The following SCN7A variants were observed in gnomAD, a reference collection of about 807,000 sequenced individuals.
The protein encoded by SCN7A is sodium voltage-gated channel alpha subunit 7, also known as sodium channel protein type 7 subunit alpha.
SCN7A carries 138 observed loss-of-function variants against 155.2 expected under a neutral mutation model. The observed-to-expected ratio is 0.89, with a 90% CI of 0.77 to 1.02. The LOEUF (loss-of-function observed/expected upper bound fraction) is 1.02. SCN7A is among the 50% of genes least tolerant of loss of function. SCN7A has a pLI of 0.00. For synonymous variants in SCN7A, 693 were observed against 649.0 expected, an observed-to-expected ratio of 1.07 and a Z score of -1.03; for missense variants, 2,058 against 1,986.6, an observed-to-expected ratio of 1.04 and a Z score of -0.68.
intron 16 of SCN7A, among the ~76,000 whole-genome samples, chr2:166,431,669 C>G (rs1278462984): frequency 1.3e-5 from 2 of 152,050 alleles, no homozygotes; most frequent in Non-Finnish European, 2.9e-5. Flanking sequence ...ACAGCAGTAT[C>G]TACCCTTCTT....
intron 10 of SCN7A, among the ~76,000 whole-genome samples, chr2:166,459,284 C>T (rs930232729): frequency 6.6e-6 from 1 of 152,044 alleles, no homozygotes; most frequent in Non-Finnish European, 1.5e-5. Context: ...TAGCATAAAA[C>T]AGTACATAAT....
chr2:166,470,738 C>T, intron 6 of SCN7A, 32 bp from the exon 7 acceptor site: 1 of 1,552,650 alleles, frequency 6.4e-7, no homozygotes, highest in Non-Finnish European at 8.7e-7. Flanking sequence ...ACTTAAAAGT[C>T]ATATTACATC....
intron 9 of SCN7A, among the ~76,000 whole-genome samples, chr2:166,464,439 C>T (rs1375996117): frequency 6.6e-6 from 1 of 151,938 alleles, no homozygotes; most frequent in African/African-American, 2.4e-5. Context: ...GCCCTGTTTC[C>T]CCTTTATGAA....
rs1289665485 is a variant in SCN7A at position 166,414,291 on chromosome 2, C to CATAT, written c.3415-1171_3415-1170insATAT. Among the ~76,000 whole-genome samples, 19 of 42,726 alleles carry CATAT rather than the reference C, an allele frequency of 4.4e-4. 2 individuals carry two copies. The highest frequency in any genetic ancestry group is 2.1e-3 in the South Asian group (3 of 1,438). The allele number at this position is 42,726 out of a possible 152,430, so 28.0% of individuals were successfully genotyped here. A position where few individuals can be genotyped will look rare whatever the true frequency, so the allele number is the denominator to read the frequency against. ...ACACACATATATATATATATACACA[C>CATAT]ACATATATATATATATATATACACA... On this transcript the variant is annotated intron_variant, in intron 21 of 25. Coordinates refer to ENST00000643258, the MANE Select transcript of SCN7A (RefSeq NM_002976.4).
intron 18 of SCN7A, among the ~76,000 whole-genome samples, chr2:166,424,488 A>C (rs1232112458): frequency 1.3e-5 from 2 of 152,118 alleles, no homozygotes; most frequent in African/African-American, 2.4e-5. Context: ...GAGAAGGTCA[A>C]GAATATGTTC....
intron 13 of SCN7A, 108 bp from the exon 14 acceptor site, chr2:166,443,784 C>A (rs904163891): frequency 3.2e-5 from 24 of 752,032 alleles, no homozygotes; most frequent in Non-Finnish European, 2.9e-5. Context: ...CTCTCACATT[C>A]TTCACAGCTT....
intron 7 of SCN7A, among the ~76,000 whole-genome samples, chr2:166,468,878 G>A (rs989492874): frequency 6.6e-6 from 1 of 151,402 alleles, no homozygotes; most frequent in Non-Finnish European, 1.5e-5. Flanking sequence ...ATTAACATGC[G>A]GTCTAAGGGT....
chr2:166,417,325 T>C (rs1701401044), intron 20 of SCN7A, among the ~76,000 whole-genome samples: 1 of 151,840 alleles, frequency 6.6e-6, no homozygotes, highest in Non-Finnish European at 1.5e-5. Context: ...TACAAAAAAT[T>C]AGCCAGGTGT....
chr2:166,413,979 G>GTGTGTATATATATATA (rs1701258781), intron 21 of SCN7A, among the ~76,000 whole-genome samples: 2 of 32,224 alleles, frequency 6.2e-5, no homozygotes, highest in Non-Finnish European at 5.2e-5. Context: ...ATATGTGTAT[G>GTGTGTATATATATATA]TGTATATATA....
rs1559090875 is a variant in SCN7A, at chr2:166,416,860, G to A, written c.3261C>T (p.Cys1087=). The A allele has an allele frequency of 6.2e-7, 1 of 1,613,616 alleles. No homozygotes were observed. Among genetic ancestry groups the A allele is most frequent in the Non-Finnish European group, 8.5e-7 (1 of 1,179,744 alleles). ...VDLFAGRFYE[C]IDPTSGERFP... is the part of the protein sequence containing the mutation. ...ACCTTTCTCCACTTGTTGGGTCAAT[G>A]CATTCATAGAATCTGCCAGCAAATA... Residue 1087 remains cysteine, a synonymous_variant, in exon 21 of 26, where the codon TGC becomes TGT. Coordinates refer to ENST00000643258, the MANE Select transcript of SCN7A (RefSeq NM_002976.4).
intron 15 of SCN7A, among the ~76,000 whole-genome samples, chr2:166,435,914 T>C (rs1002509790): frequency 6.6e-6 from 1 of 152,154 alleles, no homozygotes; most frequent in African/African-American, 2.4e-5. Flanking sequence ...TAAAATTTGC[T>C]AACTAAAACT....
Position 166,426,700 on chromosome 2 carries a change from AC to A in SCN7A, c.2853+1087del, listed in dbSNP as rs200885813. ...GGCAGTTGAAGTCCACATGCTGGCT[AC>A]CCTTGTGGAGTAGGGAAGTAACTGA... On this transcript the variant is annotated intron_variant, in intron 18 of 25. Coordinates refer to ENST00000643258, the MANE Select transcript of SCN7A (RefSeq NM_002976.4). 2.0e-5 allele frequency among the ~76,000 whole-genome samples: 3 copies of A among 152,178 alleles called. No individual in the cohort carries two copies. In the East Asian group the frequency reaches 5.8e-4, roughly 29 times the overall value.
At chr2:166,409,536 C>T in intron 25 of SCN7A, 129 bp downstream of exon 25, 1 of 654,650 alleles carries the variant, frequency 1.5e-6, no homozygotes, top group Non-Finnish European at 2.5e-6. Context: ...AAGATCTCTA[C>T]CTGTTTTGCT....
intron 9 of SCN7A, among the ~76,000 whole-genome samples, chr2:166,464,149 C>CAT (rs1487529599): frequency 6.9e-6 from 1 of 145,342 alleles, no homozygotes; most frequent in African/African-American, 2.6e-5. Flanking sequence ...AATATATACA[C>CAT]ATATATATAC....
rs374854510 is a variant in SCN7A at position 166,430,171 on chromosome 2, C to T, written c.2593-897G>A. 9.9e-5 allele frequency among the ~76,000 whole-genome samples: 15 copies of T among 151,764 alleles called. No homozygotes were observed. In the East Asian group the frequency reaches 1.5e-3, roughly 16 times the overall value. ...AAATTAAGAAAAAAATCTAGGTAGACGGCCAAAAAACCAGAGAAATTGTCA... is the reference window on the plus strand; with the variant it reads ...AAATTAAGAAAAAAATCTAGGTAGATGGCCAAAAAACCAGAGAAATTGTCA... On this transcript the variant is annotated intron_variant, in intron 16 of 25. Transcript: ENST00000643258.
intron 15 of SCN7A, among the ~76,000 whole-genome samples, chr2:166,434,248 A>C (rs1701792839): frequency 2.0e-5 from 3 of 152,146 alleles, no homozygotes; most frequent in Non-Finnish European, 4.4e-5. Flanking sequence ...CCTATTTCTT[A>C]GGAATACAGA....
intron 21 of SCN7A, 27 bp from the exon 22 acceptor site, chr2:166,413,148 T>G (rs1701238668): frequency 7.3e-7 from 1 of 1,362,338 alleles, no homozygotes; most frequent in African/African-American, 1.5e-5. Flanking sequence ...CATTTAAAAT[T>G]TATGCTTCCT....
Position 166,406,327 on chromosome 2 carries a change from A to C in SCN7A, c.4302T>G (p.Ala1434=). The C allele has an allele frequency of 6.2e-7, 1 of 1,613,178 alleles. No individual in the cohort carries two copies. Among genetic ancestry groups the C allele is most frequent in the Non-Finnish European group, 8.5e-7 (1 of 1,179,408 alleles). The change falls in exon 26 of 26, where the codon GCT becomes GCG. Residue 1434 remains alanine (A), a synonymous_variant. Coordinates refer to ENST00000643258, the MANE Select transcript of SCN7A (RefSeq NM_002976.4). ...TTGCATCAAGCATCCCATCCCAACC[A>C]GCAAATATTGCAACTTGAAAAAGAC... ...MLCLFQVAIF[A]GWDGMLDAIF... is the part of the protein sequence containing the mutation.
At chr2:166,423,136 A>G in intron 19 of SCN7A, 123 bp downstream of exon 19, 1 of 909,256 alleles carries the variant, frequency 1.1e-6, no homozygotes, top group Non-Finnish European at 1.6e-6. Flanking sequence ...GAAAGGTGTC[A>G]TGTACCAACA....
Sources: allele counts gnomAD v4.1 joint callset (sites outside exome capture counted in the v4.1 genomes callset), GRCh38; gene constraint gnomAD v4.1.1; transcripts MANE v1.5; gene names NCBI Gene and HGNC (gene_info 2026-07-23, HGNC 2026-07-21).